Variants in EXOC4 observed in about 807,000 individuals in gnomAD.
EXOC4 encodes exocyst complex component 4, also known as SEC8-like 1.
Under a neutral mutation model 107.2 loss-of-function variants are expected in EXOC4, and 71 were observed. The observed-to-expected ratio is 0.66, with a 90% CI of 0.55 to 0.81. The LOEUF is 0.81. EXOC4 is among the 30% of genes least tolerant of loss of function. The pLI is 0.00. For missense variants in EXOC4, 1,108 were observed against 1,189.6 expected (o/e 0.93, Z 1.01); for synonymous variants, 456 against 441.2 (o/e 1.03, Z -0.42).
chr7:133,276,056 T>G (rs1793982855), intron 2 of EXOC4, among the ~76,000 whole-genome samples: 1 of 152,074 alleles, frequency 6.6e-6, no homozygotes, highest in Non-Finnish European at 1.5e-5. Context: ...TTTGGAACAG[T>G]TTTTCTTTTA....
At chr7:134,091,450 G>A in the EXOC4 span, among the ~76,000 whole-genome samples, 4 of 152,094 alleles carry the variant, frequency 2.6e-5, no homozygotes, top group African/African-American at 4.8e-5. Context: ...GGTTTTAGTC[G>A]GCTTCTTTAC....
At chr7:133,883,409 G>A (rs1209644657) in intron 11 of EXOC4, among the ~76,000 whole-genome samples, 9 of 150,598 alleles carry the variant, frequency 6.0e-5, no homozygotes, top group Non-Finnish European at 1.2e-4. Flanking sequence ...TGGGAGGCTG[G>A]GGTGGGAGGA....
intron 10 of EXOC4, among the ~76,000 whole-genome samples, chr7:133,669,109 C>CATTT (rs1793883978): frequency 6.8e-6 from 1 of 146,678 alleles, no homozygotes; most frequent in African/African-American, 2.5e-5. Flanking sequence ...GGCAAAAAGG[C>CATTT]ATTTACCTTT....
chr7:134,064,390 G>T lies in EXOC4; in HGVS notation c.2787G>T (p.Leu929=). The change falls in exon 18 of 18, where the codon CTG becomes CTT. Residue 929 remains leucine, a synonymous_variant. Coordinates refer to ENST00000253861, the MANE Select transcript of EXOC4 (RefSeq NM_021807.4). ...KYTELEYIHA[L]TLLHRSQTGV... ...CGGAGCTGGAGTACATCCACGCTCT[G>T]ACCCTGCTGCACCGCAGCCAGACTG... The T allele has an allele frequency of 6.2e-7, 1 of 1,602,060 alleles. No individual in the cohort carries two copies. The highest frequency in any genetic ancestry group is 8.5e-7 in the Non-Finnish European group (1 of 1,173,354).
At chr7:133,841,983 G>T (rs1214719819) in intron 11 of EXOC4, among the ~76,000 whole-genome samples, 1 of 152,168 alleles carries the variant, frequency 6.6e-6, no homozygotes, top group African/African-American at 2.4e-5. Context: ...TTGCTGCAAA[G>T]AACGTGAGTT....
intron 1 of EXOC4, among the ~76,000 whole-genome samples, chr7:133,274,769 C>A (rs970861002): frequency 1.3e-5 from 2 of 152,014 alleles, no homozygotes; most frequent in African/African-American, 4.8e-5. Context: ...AGAGAAGGGC[C>A]CCTTGGATAG....
At chr7:133,315,667 T>G (rs1794975065) in intron 4 of EXOC4, among the ~76,000 whole-genome samples, 1 of 152,182 alleles carries the variant, frequency 6.6e-6, no homozygotes. Flanking sequence ...GACTGTTGGA[T>G]TTTCTTAAGA....
At chr7:133,659,166 G>T (rs987780024) in intron 10 of EXOC4, among the ~76,000 whole-genome samples, 1 of 151,932 alleles carries the variant, frequency 6.6e-6, no homozygotes. Flanking sequence ...TGTGATGTGA[G>T]GGCAGTTTAG....
intron 9 of EXOC4, among the ~76,000 whole-genome samples, chr7:133,591,563 T>TGCGCGC (rs1309226073): frequency 1.4e-4 from 2 of 14,572 alleles, no homozygotes; most frequent in African/African-American, 2.0e-4. Context: ...TGTGTGTGTG[T>TGCGCGC]GTGTGCGTGT....
At chr7:133,485,794 T>C (rs17167103) in intron 9 of EXOC4, among the ~76,000 whole-genome samples, 25,759 of 152,098 alleles carry the variant, frequency 0.17, 2,410 homozygotes, top group African/African-American at 0.25. Context: ...GGTACAAGCC[T>C]ACTTATTTGA....
Position 133,749,420 on chromosome 7 carries a change from T to G in EXOC4, c.1515-67905T>G, listed in dbSNP as rs964877086. ...TTGAGTCTTTTTTTTTGAGCCAGAG[T>G]CTCACTCTGTCTCTCATTGTGGAGT... is the stretch of plus-strand genomic sequence containing the variant. On this transcript the variant is annotated intron_variant, in intron 10 of 17. Coordinates refer to ENST00000253861, the MANE Select transcript of EXOC4 (RefSeq NM_021807.4). 1.8e-4 allele frequency among the ~76,000 whole-genome samples: 27 copies of G among 151,906 alleles called. No homozygotes were observed. In the East Asian group the frequency reaches 4.8e-3, roughly 27 times the overall value.
rs531207185 is a variant in EXOC4, at chr7:133,794,368, A to T, written c.1515-22957A>T. On this transcript the variant is annotated intron_variant, in intron 10 of 17. Coordinates refer to ENST00000253861, the MANE Select transcript of EXOC4 (RefSeq NM_021807.4). ...GTTTAAGTGGTGAATTCCTTCAGAA[A>T]GCCACTGGCCGACTAGCCCCTTGGT... 4.6e-5 allele frequency among the ~76,000 whole-genome samples: 7 copies of T among 152,278 alleles called. No individual in the cohort carries two copies. In the East Asian group the frequency reaches 1.2e-3, roughly 25 times the overall value.
chr7:133,538,315 G>A (rs1800312966), intron 9 of EXOC4, among the ~76,000 whole-genome samples: 1 of 152,166 alleles, frequency 6.6e-6, no homozygotes, highest in East Asian at 1.9e-4. Flanking sequence ...ATTCAGCTGG[G>A]ATAGAATTGT....
chr7:134,100,511 G>C, the EXOC4 span, among the ~76,000 whole-genome samples: 1 of 128,232 alleles, frequency 7.8e-6, no homozygotes, highest in Non-Finnish European at 1.7e-5. Flanking sequence ...AAGAGCATGA[G>C]CTTACTGGGG....
At chr7:133,373,533 A>G (rs1796422218) in intron 6 of EXOC4, among the ~76,000 whole-genome samples, 1 of 152,210 alleles carries the variant, frequency 6.6e-6, no homozygotes, top group South Asian at 2.1e-4. Context: ...TAATTACAAT[A>G]ATTAGGCAGT....
chr7:133,847,442 G>C lies in EXOC4; in HGVS notation c.1734+29898G>C, dbSNP rs185297398. On this transcript the variant is annotated intron_variant, in intron 11 of 17. Transcript: ENST00000253861. ...CCCCCAAACTGGAGTGCAGTGGCGC[G>C]GTCTCTGCTGACTGCAACTTCCACC... is the stretch of plus-strand genomic sequence containing the variant. Among the ~76,000 whole-genome samples the C allele has an allele frequency of 4.8e-3, 726 of 150,780 alleles. 3 individuals are homozygous for C. The highest frequency in any genetic ancestry group is 0.017 in the Middle Eastern group (5 of 286).
intron 9 of EXOC4, among the ~76,000 whole-genome samples, chr7:133,626,094 C>T (rs891627172): frequency 3.9e-5 from 6 of 152,092 alleles, no homozygotes; most frequent in Non-Finnish European, 8.8e-5. Context: ...GTAATCCCAG[C>T]TACTCAGGAG....
intron 15 of EXOC4, among the ~76,000 whole-genome samples, chr7:133,998,688 G>T (rs946174073): frequency 6.6e-6 from 1 of 152,150 alleles, no homozygotes; most frequent in African/African-American, 2.4e-5. Context: ...GAATCATTCA[G>T]ATGTCATAGA....
At chr7:133,792,565 A>AT in intron 10 of EXOC4, among the ~76,000 whole-genome samples, 1 of 151,538 alleles carries the variant, frequency 6.6e-6, no homozygotes, top group South Asian at 2.1e-4. Context: ...AAAAAAAAAA[A>AT]AAAAAAAACC....
Sources: gnomAD v4.1 joint callset for allele counts (sites outside exome capture counted in the v4.1 genomes callset) on GRCh38, gnomAD v4.1.1 for gene constraint, MANE v1.5 for transcripts, NCBI Gene and HGNC (gene_info 2026-07-23, HGNC 2026-07-21) for gene names.